Variants in PARD3B observed in about 807,000 individuals in gnomAD.
PARD3B encodes the protein par-3 family cell polarity regulator beta.
A neutral mutation model predicts 130.2 loss-of-function variants in PARD3B; 103 were observed. That is an observed-to-expected ratio of 0.79 (90% CI 0.67 to 0.93). PARD3B has a LOEUF of 0.93. Ranked by LOEUF, PARD3B falls within the 40% of genes least tolerant of loss-of-function variation. PARD3B has a pLI of 0.00. For synonymous variants in PARD3B, 583 were observed against 553.2 expected, an observed-to-expected ratio of 1.05 and a Z score of -0.76; for missense variants, 1,609 against 1,499.2, an observed-to-expected ratio of 1.07 and a Z score of -1.21.
At chr2:205,246,142 C>G (rs2039561439) in intron 16 of PARD3B, among the ~76,000 whole-genome samples, 1 of 152,024 alleles carries the variant, frequency 6.6e-6, no homozygotes, top group Admixed American at 6.6e-5. Context: ...GATTCTTTCC[C>G]ATGATGACTT....
intron 4 of PARD3B, 113 bp downstream of exon 4, chr2:205,047,803 A>G (rs1698906930): frequency 1.5e-6 from 1 of 673,222 alleles, no homozygotes; most frequent in Non-Finnish European, 2.5e-6. Flanking sequence ...ATCTTTTGAT[A>G]GTATATATAG....
At chr2:204,634,672 A>G (rs1213871070) in intron 1 of PARD3B, among the ~76,000 whole-genome samples, 1 of 151,924 alleles carries the variant, frequency 6.6e-6, no homozygotes, top group Non-Finnish European at 1.5e-5. Flanking sequence ...CTACATATTT[A>G]TTTTAATTGA....
rs191229486 is a variant in PARD3B at position 205,444,810 on chromosome 2, T to G, written c.3044+4138T>G. ...TAACTTAAAACAAAGACAAAGATGTTTAGCAGATATCACAGACATGAGGCT... is the reference window on the plus strand; with the variant it reads ...TAACTTAAAACAAAGACAAAGATGTGTAGCAGATATCACAGACATGAGGCT... On this transcript the variant is annotated intron_variant, in intron 20 of 22. Coordinates refer to ENST00000406610, the MANE Select transcript of PARD3B (RefSeq NM_001302769.2). 7.2e-5 allele frequency among the ~76,000 whole-genome samples: 11 copies of G among 152,326 alleles called. No homozygotes were observed. In the East Asian group the frequency reaches 2.1e-3, roughly 29 times the overall value.
At chr2:204,850,849 G>A (rs906105529) in intron 2 of PARD3B, among the ~76,000 whole-genome samples, 5 of 152,124 alleles carry the variant, frequency 3.3e-5, no homozygotes, top group African/African-American at 4.8e-5. Flanking sequence ...CATGGTATAC[G>A]CCTGTTTTTG....
At chr2:205,496,056 G>C (rs2049913212) in intron 20 of PARD3B, among the ~76,000 whole-genome samples, 2 of 152,114 alleles carry the variant, frequency 1.3e-5, no homozygotes, top group African/African-American at 4.8e-5. Flanking sequence ...GTCTGCTGTG[G>C]ACAGAGAGTG....
intron 15 of PARD3B, among the ~76,000 whole-genome samples, chr2:205,199,913 A>C (rs548475945): frequency 6.6e-6 from 1 of 152,204 alleles, no homozygotes; most frequent in East Asian, 1.9e-4. Flanking sequence ...AAAGATAATG[A>C]ATTCCAGAAA....
At chr2:204,584,294 G>A (rs1466140217) in intron 1 of PARD3B, among the ~76,000 whole-genome samples, 1 of 152,110 alleles carries the variant, frequency 6.6e-6, no homozygotes, top group East Asian at 1.9e-4. Context: ...TAGCTACTGG[G>A]AATTTTTGCG....
chr2:205,552,194 A>C (rs1377408600), intron 21 of PARD3B, among the ~76,000 whole-genome samples: 1 of 152,114 alleles, frequency 6.6e-6, no homozygotes, highest in African/African-American at 2.4e-5. Context: ...CAAGAGAGGT[A>C]AACACAGGAC....
In PARD3B at chr2:205,244,702, G is replaced by A. The variant is rs939218603; in HGVS notation, c.2141-1076G>A. On this transcript the variant is annotated intron_variant, in intron 15 of 22. Transcript: ENST00000406610. This position sits in a 1 kb window ranked among gnomAD's most constrained non-coding sequence, Gnocchi z 4.7. ...TTTTTTTTTCAAAAAACTACTATAG[G>A]GCGACCCATGTTATCTAATTCTTCC... Among the ~76,000 whole-genome samples the A allele has an allele frequency of 1.3e-5, 2 of 151,742 alleles. No homozygotes were observed. The highest frequency in any genetic ancestry group is 2.9e-5 in the Non-Finnish European group (2 of 67,956).
chr2:205,135,203 A>G lies in PARD3B; in HGVS notation c.1434+9466A>G, dbSNP rs532521213. 2.0e-5 allele frequency among the ~76,000 whole-genome samples: 3 copies of G among 152,324 alleles called. No homozygotes were observed. The South Asian group carries it at 6.2e-4, about 32-fold the overall frequency. On this transcript the variant is annotated intron_variant, in intron 10 of 22. Transcript: ENST00000406610. ...TCCAGTTAGCCAAATGTTACCAGTA[A>G]TTTAGGCCAGCTGTTGATTTGGAGC...
intron 2 of PARD3B, among the ~76,000 whole-genome samples, chr2:204,828,667 A>G (rs184915675): frequency 5.9e-5 from 9 of 152,158 alleles, no homozygotes; most frequent in African/African-American, 2.2e-4. Context: ...AAATATCTTT[A>G]TATCCTGATT....
chr2:205,127,296 CAAA>C (rs34822432), intron 10 of PARD3B, among the ~76,000 whole-genome samples: 8 of 100,646 alleles, frequency 7.9e-5, no homozygotes, highest in Admixed American at 1.1e-4. Context: ...GACTCTGTCT[CAAA>C]AAAAAAAAAA....
In PARD3B at chr2:205,300,214, G is replaced by T. The variant is rs2041945595; in HGVS notation, c.2186-316G>T. Among the ~76,000 whole-genome samples, 1 of 152,104 alleles carries T rather than the reference G, an allele frequency of 6.6e-6. No individual in the cohort carries two copies. Among genetic ancestry groups the T allele is most frequent in the South Asian group, 2.1e-4 (1 of 4,826 alleles). Reference sequence around the variant, plus strand: ...TTCACATACATAGTCTCTATAAATAGCTACAGCCTTTCAAATTCATAGGTG... The same window carrying T: ...TTCACATACATAGTCTCTATAAATATCTACAGCCTTTCAAATTCATAGGTG... On this transcript the variant is annotated intron_variant, in intron 16 of 22. Transcript: ENST00000406610. This position sits in a 1 kb window ranked among gnomAD's most constrained non-coding sequence, Gnocchi z 4.1.
intron 3 of PARD3B, among the ~76,000 whole-genome samples, chr2:205,025,676 G>C (rs760873937): frequency 6.6e-6 from 1 of 151,928 alleles, no homozygotes; most frequent in Non-Finnish European, 1.5e-5. Flanking sequence ...GAGCTGTATC[G>C]GTGGTCTGGG....
At chr2:205,561,239 T>G (rs2053122330) in intron 22 of PARD3B, among the ~76,000 whole-genome samples, 1 of 152,214 alleles carries the variant, frequency 6.6e-6, no homozygotes, top group Non-Finnish European at 1.5e-5. Context: ...GAATTTTCCT[T>G]TGCCGGCATT....
chr2:205,098,626 A>G (rs1702550629), intron 4 of PARD3B, among the ~76,000 whole-genome samples: 1 of 152,142 alleles, frequency 6.6e-6, no homozygotes, highest in Non-Finnish European at 1.5e-5. Context: ...TAATGAATAC[A>G]CGTTCTTGTA....
At chr2:204,952,815 G>T (rs1369381924) in intron 2 of PARD3B, among the ~76,000 whole-genome samples, 2 of 151,906 alleles carry the variant, frequency 1.3e-5, no homozygotes, top group Non-Finnish European at 2.9e-5. Context: ...TGGCTAACAT[G>T]GTGAAACCCA....
chr2:205,435,841 G>GAGAGACAGCAGA (rs2047494568), intron 19 of PARD3B, among the ~76,000 whole-genome samples: 1 of 151,836 alleles, frequency 6.6e-6, no homozygotes, highest in Non-Finnish European at 1.5e-5. Context: ...CAGATATTTA[G>GAGAGACAGCAGA]TCTTAGTTTT....
chr2:205,145,691 A>G (rs2033300397), intron 10 of PARD3B, among the ~76,000 whole-genome samples: 1 of 152,074 alleles, frequency 6.6e-6, no homozygotes, highest in Non-Finnish European at 1.5e-5. Flanking sequence ...AGTGTATGCT[A>G]GGGAAAATTT....
Sources: allele counts gnomAD v4.1 joint callset (sites outside exome capture counted in the v4.1 genomes callset), GRCh38; gene constraint gnomAD v4.1.1; non-coding constraint Gnocchi (gnomAD v3.1); transcripts MANE v1.5; gene names NCBI Gene and HGNC (gene_info 2026-07-23, HGNC 2026-07-21).